WDR7: variants seen among roughly 807,000 people sequenced by gnomAD.
The protein encoded by WDR7 is WD repeat domain 7, also known as WD repeat-containing protein 7.
Under a neutral mutation model 169.4 loss-of-function variants are expected in WDR7, and 46 were observed. The observed-to-expected ratio is 0.27, with a 90% CI of 0.21 to 0.35. The LOEUF is 0.35. Ranked by LOEUF, WDR7 falls within the 10% of genes least tolerant of loss-of-function variation. WDR7 has a pLI of 1.00. For missense variants in WDR7, 1,534 were observed against 1,859.3 expected, an observed-to-expected ratio of 0.83 and a Z score of 3.22; for synonymous variants, 612 against 666.8, an observed-to-expected ratio of 0.92 and a Z score of 1.27.
At chr18:56,681,276 A>T in intron 3 of WDR7, 37 bp from the exon 4 acceptor site, 1 of 1,371,918 alleles carries the variant, frequency 7.3e-7, no homozygotes, top group Non-Finnish European at 1.0e-6. Flanking sequence ...TGCTTTAAAA[A>T]GTCACACTCA....
intron 19 of WDR7, among the ~76,000 whole-genome samples, chr18:56,806,929 C>A (rs2044783000): frequency 6.6e-6 from 1 of 152,066 alleles, no homozygotes; most frequent in Non-Finnish European, 1.5e-5. Context: ...GCAATGCCAG[C>A]CTCTCTGTTA....
downstream of WDR7, chr18:57,033,598 A>G (rs1472949104): frequency 1.3e-5 from 2 of 152,164 alleles, no homozygotes; most frequent in Non-Finnish European, 2.9e-5. Flanking sequence ...TGTTTTAAAA[A>G]TAAGTTGTGT....
intron 25 of WDR7, among the ~76,000 whole-genome samples, chr18:56,941,622 A>G (rs1206911244): frequency 1.3e-5 from 2 of 152,186 alleles, no homozygotes; most frequent in African/African-American, 4.8e-5. Context: ...ATTTCATAGG[A>G]AAGAGTTTGA....
chr18:56,784,545 C>T (rs1239630812), intron 19 of WDR7, among the ~76,000 whole-genome samples: 1 of 152,140 alleles, frequency 6.6e-6, no homozygotes, highest in Non-Finnish European at 1.5e-5. Context: ...CTATTTATTC[C>T]ATCTTGCTTG....
chr18:56,858,212 A>G (rs2045751883), intron 20 of WDR7, among the ~76,000 whole-genome samples: 1 of 151,828 alleles, frequency 6.6e-6, no homozygotes, highest in Non-Finnish European at 1.5e-5. Flanking sequence ...GTTATGTTTG[A>G]CTCTTCACTC....
chr18:56,964,510 C>T (rs1420838495), intron 26 of WDR7, among the ~76,000 whole-genome samples: 2 of 151,950 alleles, frequency 1.3e-5, no homozygotes, highest in Admixed American at 1.3e-4. Flanking sequence ...TTCAGCCTCC[C>T]GAGTAGTTGG....
At chr18:56,936,742 A>T (rs1292218423) in intron 23 of WDR7, among the ~76,000 whole-genome samples, 1 of 152,208 alleles carries the variant, frequency 6.6e-6, no homozygotes, top group Non-Finnish European at 1.5e-5. Flanking sequence ...GGGAGGAAAG[A>T]AAGTCCTAAT....
intron 19 of WDR7, among the ~76,000 whole-genome samples, chr18:56,811,454 C>A (rs1344441476): frequency 6.6e-6 from 1 of 152,058 alleles, no homozygotes; most frequent in African/African-American, 2.4e-5. Flanking sequence ...GTCTTTTCAT[C>A]TTCTTAATAG....
chr18:56,993,566 A>G (rs2047848432), intron 26 of WDR7, among the ~76,000 whole-genome samples: 1 of 152,204 alleles, frequency 6.6e-6, no homozygotes, highest in African/African-American at 2.4e-5. Flanking sequence ...AAAGAAATGC[A>G]GAAATGTATC....
At chr18:56,759,984 T>C (rs2043957038) in intron 16 of WDR7, among the ~76,000 whole-genome samples, 1 of 152,182 alleles carries the variant, frequency 6.6e-6, no homozygotes. Flanking sequence ...TCCCACACTT[T>C]CTATGCCATT....
intron 21 of WDR7, among the ~76,000 whole-genome samples, chr18:56,901,358 C>G (rs541462872): frequency 1.3e-5 from 2 of 152,276 alleles, no homozygotes; most frequent in East Asian, 3.9e-4. Flanking sequence ...GGGAAGTACT[C>G]TTATCATAGC....
At chr18:57,026,575 T>C (rs1441911415) in intron 27 of WDR7, among the ~76,000 whole-genome samples, 1 of 152,222 alleles carries the variant, frequency 6.6e-6, no homozygotes, top group Non-Finnish European at 1.5e-5. Context: ...TTCCTTTTCT[T>C]GAACTAATTA....
At chr18:56,689,206 A>G (rs2025511872) in intron 7 of WDR7, among the ~76,000 whole-genome samples, 1 of 152,186 alleles carries the variant, frequency 6.6e-6, no homozygotes. Flanking sequence ...TGGGCTTACC[A>G]TAAGCTGAGA....
rs552248219 is a variant in WDR7, at chr18:56,927,704, C to T, written c.3713+3596C>T. On this transcript the variant is annotated intron_variant, in intron 22 of 27. Coordinates refer to ENST00000254442, the MANE Select transcript of WDR7 (RefSeq NM_015285.3). ...TACATCTTTGAAATCAAAATATCTA[C>T]AGTTGTTTTCTAATGTTTTCAGATA... 1.1e-4 allele frequency among the ~76,000 whole-genome samples: 17 copies of T among 152,244 alleles called. 1 individual carries two copies. In the South Asian group the frequency reaches 3.3e-3, roughly 30 times the overall value.
chr18:56,931,203 TA>T (rs952720142), intron 22 of WDR7, among the ~76,000 whole-genome samples: 7 of 152,094 alleles, frequency 4.6e-5, no homozygotes, highest in Non-Finnish European at 8.8e-5. Flanking sequence ...AACAGCCAGA[TA>T]GGTGGGATCA....
chr18:56,997,799 G>A (rs1306961900), intron 26 of WDR7, among the ~76,000 whole-genome samples: 1 of 152,216 alleles, frequency 6.6e-6, no homozygotes, highest in Non-Finnish European at 1.5e-5. Flanking sequence ...ACAGTGGGAT[G>A]TAAAATGTAT....
chr18:56,901,111 A>G (rs1009374985), intron 21 of WDR7, among the ~76,000 whole-genome samples: 1 of 152,150 alleles, frequency 6.6e-6, no homozygotes, highest in African/African-American at 2.4e-5. Context: ...TTATAATGCT[A>G]ATCATGGGCT....
At position 56,912,661 on chromosome 18, in the gene WDR7, A is replaced by C. The variant is rs770276742; in HGVS notation, c.3527-11261A>C. 5.5e-4 allele frequency among the ~76,000 whole-genome samples: 84 copies of C among 152,184 alleles called. 1 individual carries two copies. The highest frequency in any genetic ancestry group is 1.0e-3 in the Non-Finnish European group (69 of 68,018). On this transcript the variant is annotated intron_variant, in intron 21 of 27. Coordinates refer to ENST00000254442, the MANE Select transcript of WDR7 (RefSeq NM_015285.3). ...GCCCTTGTCTCAGGCTCTTGGTAGC[A>C]TATGATAATTCCAACTATGTTAAAC...
At position 56,691,698 on chromosome 18, in the gene WDR7, A is replaced by G. The variant is rs2025573974; in HGVS notation, c.864-17A>G. The G allele has an allele frequency of 2.5e-6, 4 of 1,597,404 alleles. No homozygotes were observed. Among genetic ancestry groups the G allele is most frequent in the East Asian group, 2.2e-5 (1 of 44,556 alleles). On this transcript the variant is annotated splice_polypyrimidine_tract_variant and intron_variant, in intron 8 of 27. Coordinates refer to ENST00000254442, the MANE Select transcript of WDR7 (RefSeq NM_015285.3). ...TGTCAGTATTTTAATTGAATATTGT[A>G]TTTTTCCCATATTCAGTTGCCTTCC...
Sources: gnomAD v4.1 joint callset for allele counts (sites outside exome capture counted in the v4.1 genomes callset) on GRCh38, gnomAD v4.1.1 for gene constraint, MANE v1.5 for transcripts, NCBI Gene and HGNC (gene_info 2026-07-23, HGNC 2026-07-21) for gene names.